The following RNF212 variants were observed in gnomAD, a reference collection of about 807,000 sequenced individuals.
RNF212 encodes probable E3 SUMO-protein ligase RNF212.
RNF212 carries 33 observed loss-of-function variants against 34.7 expected under a neutral mutation model. The observed-to-expected ratio is 0.95, with a 90% CI of 0.72 to 1.27. The LOEUF is 1.27. Among genes scored for constraint, RNF212 ranks in the 50% most tolerant of loss-of-function variants. The pLI is 0.00. For synonymous variants in RNF212, 140 were observed against 136.1 expected (o/e 1.03, Z -0.20); for missense variants, 377 against 362.2 (o/e 1.04, Z -0.33).
chr4:1,063,176 C>T (rs1717861014), intron 3 of RNF212, among the ~76,000 whole-genome samples: 1 of 152,138 alleles, frequency 6.6e-6, no homozygotes, highest in African/African-American at 2.4e-5. Context: ...GAGATTTCAA[C>T]CTGCTTTGTC....
At chr4:1,101,366 A>G in intron 2 of RNF212, 1 of 204,316 alleles carries the variant, frequency 4.9e-6, no homozygotes, top group South Asian at 9.1e-5. Context: ...GCTTTGTTGA[A>G]CTTTTCTTCT....
chr4:1,081,520 C>G, intron 6 of RNF212, 47 bp downstream of exon 6: 1 of 1,604,398 alleles, frequency 6.2e-7, no homozygotes, highest in Non-Finnish European at 8.5e-7. Flanking sequence ...TGTGACTCAG[C>G]AACATGCATC....
chr4:1,079,589 G>C, intron 8 of RNF212, 54 bp downstream of exon 8: 1 of 1,232,614 alleles, frequency 8.1e-7, no homozygotes, highest in South Asian at 1.2e-5. Flanking sequence ...GAGGAAAATG[G>C]GAAATGCCAC....
intron 3 of RNF212, among the ~76,000 whole-genome samples, chr4:1,094,637 C>A (rs982933630): frequency 6.6e-6 from 1 of 152,144 alleles, no homozygotes; most frequent in Non-Finnish European, 1.5e-5. Context: ...AAGGGGGGCC[C>A]ACGGAGCCAG....
Position 1,072,950 on chromosome 4 carries a change from G to GGCAC in RNF212, c.817_818insGTGC (p.Thr273SerfsTer21). The stretch of plus-strand genomic sequence containing the variant: ...AGCGGGTGTTCTGAACGTGTCCAGG[G>GGCAC]TGCCCTCAGCCTGCTGGAACGGAAA... On this transcript the variant is annotated frameshift_variant, in exon 10 of 10. Transcript: ENST00000433731. LOFTEE classifies it low-confidence loss of function (END_TRUNC). 1.2e-6 allele frequency: 2 copies of GGCAC among 1,614,050 alleles called. No homozygotes were observed. The highest frequency in any genetic ancestry group is 2.2e-5 in the South Asian group (2 of 91,084).
intron 3 of RNF212, among the ~76,000 whole-genome samples, chr4:1,094,629 G>C (rs1429588170): frequency 6.6e-6 from 1 of 152,182 alleles, no homozygotes; most frequent in African/African-American, 2.4e-5. Flanking sequence ...GCTGCCAGAA[G>C]GGGGGCCCAC....
At chr4:1,084,528 A>C (rs1419866106) in intron 5 of RNF212, among the ~76,000 whole-genome samples, 2 of 151,946 alleles carry the variant, frequency 1.3e-5, no homozygotes, top group African/African-American at 4.8e-5. Context: ...TCAGGAGTCC[A>C]AGACTAGCCT....
rs1211259437 is a variant in RNF212 at position 1,096,852 on chromosome 4, G to T, written c.172-13C>A. 2.5e-6 allele frequency: 4 copies of T among 1,576,316 alleles called. No homozygotes were observed. Among genetic ancestry groups the T allele is most frequent in the Non-Finnish European group, 3.5e-6 (4 of 1,145,250 alleles). On this transcript the variant is annotated splice_polypyrimidine_tract_variant and intron_variant, in intron 2 of 9. Transcript: ENST00000433731. ...TATCTGCGTCGGTCTGAAAGAGAAAGAAATGACTCTACATTTATTGTGTCT... is the reference window on the plus strand; with the variant it reads ...TATCTGCGTCGGTCTGAAAGAGAAATAAATGACTCTACATTTATTGTGTCT...
At chr4:1,098,499 C>G (rs1288564480) in intron 2 of RNF212, among the ~76,000 whole-genome samples, 1 of 152,172 alleles carries the variant, frequency 6.6e-6, no homozygotes, top group Non-Finnish European at 1.5e-5. Flanking sequence ...TCCTCTGTAA[C>G]AGGGGGACTG....
intron 4 of RNF212, among the ~76,000 whole-genome samples, chr4:1,086,240 G>A (rs985047482): frequency 6.6e-6 from 1 of 152,108 alleles, no homozygotes; most frequent in Non-Finnish European, 1.5e-5. Flanking sequence ...CCTTCCAGGG[G>A]AGCACCTGGC....
chr4:1,093,786 G>A (rs767102525), intron 3 of RNF212: 2 of 1,536,334 alleles, frequency 1.3e-6, no homozygotes, highest in Non-Finnish European at 1.7e-6. Flanking sequence ...CTGCTGGGAT[G>A]GAGCAGGGTG....
intron 4 of RNF212, among the ~76,000 whole-genome samples, chr4:1,088,671 G>A (rs1420768561): frequency 6.6e-6 from 1 of 152,140 alleles, no homozygotes; most frequent in Non-Finnish European, 1.5e-5. Flanking sequence ...CCCATCATAG[G>A]CCCAGAGAAA....
Position 1,061,872 on chromosome 4 carries a change from C to T in RNF212, n.148-3479G>A, listed in dbSNP as rs143896663. Reference sequence around the variant, plus strand: ...GGGACAAATACAGTACCCAGGTTGTCCAGATTGCAGCCCCAAATTATGGGA... The same window carrying T: ...GGGACAAATACAGTACCCAGGTTGTTCAGATTGCAGCCCCAAATTATGGGA... On this transcript the variant is annotated intron_variant and non_coding_transcript_variant, in intron 3 of 4. Transcript: ENST00000503206. Among the ~76,000 whole-genome samples, 7 of 152,324 alleles carry T rather than the reference C, an allele frequency of 4.6e-5. No homozygotes were observed. In the East Asian group the frequency reaches 1.3e-3, roughly 29 times the overall value.
In RNF212 at chr4:1,072,695, G is replaced by A. The variant is rs1718636568; in HGVS notation, c.*179C>T. On this transcript the variant is annotated 3_prime_UTR_variant, in exon 10 of 10. Transcript: ENST00000433731. The stretch of plus-strand genomic sequence containing the variant: ...ATATATATGAGTACATAAAAATATT[G>A]TCTCTAAAATTCAAAGGTCAAATAT... 3.0e-6 allele frequency: 4 copies of A among 1,335,612 alleles called. No individual in the cohort carries two copies. The South Asian group carries it at 5.1e-5, about 17-fold the overall frequency. The allele number at this position is 1,335,612 out of a possible 1,614,324, so 82.7% of individuals were successfully genotyped here.
At chr4:1,081,854 G>A in intron 5 of RNF212, 1 of 519,756 alleles carries the variant, frequency 1.9e-6, no homozygotes, top group Non-Finnish European at 3.5e-6. Context: ...TTACATCACT[G>A]GCTCTTACAA....
At chr4:1,109,894 G>A (rs1725393163) in intron 1 of RNF212, among the ~76,000 whole-genome samples, 2 of 152,164 alleles carry the variant, frequency 1.3e-5, no homozygotes, top group South Asian at 2.1e-4. Flanking sequence ...TGTGGGGTGA[G>A]GGGGTCCCCT....
intron 3 of RNF212, chr4:1,058,424 G>T: frequency 2.5e-6 from 1 of 400,444 alleles, no homozygotes; most frequent in African/African-American, 2.3e-5. Context: ...AACATGAGTC[G>T]TTCATGTTAA....
intron 8 of RNF212, among the ~76,000 whole-genome samples, chr4:1,074,507 C>T (rs971438249): frequency 6.6e-6 from 1 of 152,170 alleles, no homozygotes; most frequent in Non-Finnish European, 1.5e-5. Flanking sequence ...CGTGGAAGCC[C>T]CTCTGTGTCC....
chr4:1,068,283 C>T (rs979429096), downstream of RNF212, among the ~76,000 whole-genome samples: 14 of 152,338 alleles, frequency 9.2e-5, no homozygotes, highest in South Asian at 2.1e-4. Flanking sequence ...CGACAGGGTC[C>T]GGAAGAAAGC....
Sources: gnomAD v4.1 joint callset for allele counts (sites outside exome capture counted in the v4.1 genomes callset) on GRCh38, gnomAD v4.1.1 for gene constraint, MANE v1.5 for transcripts, NCBI Gene and HGNC (gene_info 2026-07-23, HGNC 2026-07-21) for gene names.